Variants in ZBTB16 observed in about 807,000 individuals in gnomAD.
The protein encoded by ZBTB16 is zinc finger and BTB domain containing 16, also known as zinc finger and BTB domain-containing protein 16.
Under a neutral mutation model 56.8 loss-of-function variants are expected in ZBTB16, and 8 were observed. The observed-to-expected ratio is 0.14, with a 90% CI of 0.08 to 0.25. The LOEUF (loss-of-function observed/expected upper bound fraction) is 0.25, where lower values mean the gene tolerates loss of function less well. ZBTB16 is among the 10% of genes least tolerant of loss of function. The probability of loss-of-function intolerance (pLI) is 1.00; values close to 1 mark genes in which losing one functional copy is unlikely to be tolerated. For synonymous variants in ZBTB16, 363 were observed against 368.5 expected, an observed-to-expected ratio of 0.98 and a Z score of 0.17; for missense variants, 625 against 903.0, an observed-to-expected ratio of 0.69 and a Z score of 3.95.
intron 4 of ZBTB16, among the ~76,000 whole-genome samples, chr11:114,217,221 C>G (rs970812042): frequency 1.3e-5 from 2 of 152,110 alleles, no homozygotes; most frequent in African/African-American, 2.4e-5. Context: ...TGTTTAGGAG[C>G]CTAGATTTTA....
Position 114,250,603 on chromosome 11 carries a change from G to C in ZBTB16, c.*48G>C, listed in dbSNP as rs1413293975. 1 of 1,572,454 alleles carries C rather than the reference G, an allele frequency of 6.4e-7. No homozygotes were observed. The highest frequency in any genetic ancestry group is 8.7e-7 in the Non-Finnish European group (1 of 1,142,938). On this transcript the variant is annotated 3_prime_UTR_variant, in exon 7 of 7. Coordinates refer to ENST00000335953, the MANE Select transcript of ZBTB16 (RefSeq NM_006006.6). The surrounding 1 kb of genome is among the most constrained non-coding windows in gnomAD (Gnocchi z 6.0). ...CCGAGCGGGGAGCCAGGAAAGAAGA[G>C]TTGGAGTGAGATGAAGGAAGGACTA...
At chr11:114,084,049 G>GTT (rs1189329542) in intron 2 of ZBTB16, among the ~76,000 whole-genome samples, 1 of 152,166 alleles carries the variant, frequency 6.6e-6, no homozygotes, top group Non-Finnish European at 1.5e-5. Context: ...CACCTCCATT[G>GTT]TTTAAGATGT....
At chr11:114,113,179 T>C (rs1941074883) in intron 2 of ZBTB16, among the ~76,000 whole-genome samples, 1 of 152,228 alleles carries the variant, frequency 6.6e-6, no homozygotes, top group Admixed American at 6.5e-5. Context: ...ATAGCAGAGA[T>C]GCTGTCTTCT....
intron 2 of ZBTB16, among the ~76,000 whole-genome samples, chr11:114,149,240 A>G (rs145669311): frequency 6.6e-6 from 1 of 152,184 alleles, no homozygotes; most frequent in Non-Finnish European, 1.5e-5. Context: ...TATTTAATGG[A>G]TATCTGCAGA....
intron 2 of ZBTB16, among the ~76,000 whole-genome samples, chr11:114,081,697 T>C (rs2606726): frequency 0.37 from 56,031 of 151,926 alleles, 12,045 homozygotes; most frequent in East Asian, 0.76. Context: ...CTGGATGAAG[T>C]AGCACATGAG....
At chr11:114,233,073 G>GCT (rs1335081442) in intron 4 of ZBTB16, among the ~76,000 whole-genome samples, 4 of 74,624 alleles carry the variant, frequency 5.4e-5, no homozygotes, top group Admixed American at 3.0e-4. Context: ...GCATGCGCGC[G>GCT]CGCGCGCGCA....
chr11:114,239,660 G>A (rs1165168660), intron 4 of ZBTB16, among the ~76,000 whole-genome samples: 2 of 152,170 alleles, frequency 1.3e-5, no homozygotes, highest in Non-Finnish European at 2.9e-5. Context: ...GTGGCTCCCA[G>A]TGGGATTGGA....
chr11:114,078,983 G>A (rs1039739765), intron 2 of ZBTB16, among the ~76,000 whole-genome samples: 1 of 151,670 alleles, frequency 6.6e-6, no homozygotes, highest in Non-Finnish European at 1.5e-5. Flanking sequence ...GGGATTACAG[G>A]TGCCTGTAAT....
At position 114,227,593 on chromosome 11, in the gene ZBTB16, G is replaced by A. The variant is rs545320680; in HGVS notation, c.1454-14574G>A. On this transcript the variant is annotated intron_variant, in intron 4 of 6. Transcript: ENST00000335953. ...TGCAGCTTTCATTCTGACAGGTGGG[G>A]AAGACAGTAAACCTTGAACTTAAAG... 4.6e-4 allele frequency among the ~76,000 whole-genome samples: 70 copies of A among 152,326 alleles called. No individual in the cohort carries two copies. The South Asian group carries it at 0.014, about 31-fold the overall frequency.
rs189903134 is a variant in ZBTB16, at chr11:114,095,941, T to C, written c.1268+31373T>C. 2.6e-5 allele frequency among the ~76,000 whole-genome samples: 4 copies of C among 152,330 alleles called. No individual in the cohort carries two copies. In the East Asian group the frequency reaches 7.7e-4, roughly 29 times the overall value. ...GTGTATTCTCTCTGATAGGTTGCCTTTTCTCTCCCTGTAGGCTATAATTAG... is the reference window on the plus strand; with the variant it reads ...GTGTATTCTCTCTGATAGGTTGCCTCTTCTCTCCCTGTAGGCTATAATTAG... On this transcript the variant is annotated intron_variant, in intron 2 of 6. Transcript: ENST00000335953.
intron 2 of ZBTB16, among the ~76,000 whole-genome samples, chr11:114,126,714 A>G (rs1187206190): frequency 6.6e-6 from 1 of 152,046 alleles, no homozygotes. Context: ...GACTTTCACA[A>G]ACTGGAGGGA....
chr11:114,204,668 G>T (rs1262648757), intron 4 of ZBTB16, among the ~76,000 whole-genome samples: 1 of 152,122 alleles, frequency 6.6e-6, no homozygotes, highest in Non-Finnish European at 1.5e-5. Context: ...CCAGGCAGGA[G>T]AAGTGGCTAA....
At chr11:114,120,268 C>G (rs1289727354) in intron 2 of ZBTB16, among the ~76,000 whole-genome samples, 2 of 152,196 alleles carry the variant, frequency 1.3e-5, no homozygotes, top group Non-Finnish European at 2.9e-5. Context: ...CAGAACCACT[C>G]CAGGCAGAGC....
intron 4 of ZBTB16, among the ~76,000 whole-genome samples, chr11:114,204,154 CTT>C (rs745498133): frequency 1.4e-5 from 2 of 143,852 alleles, no homozygotes; most frequent in Admixed American, 6.9e-5. Flanking sequence ...GTCCCACTAT[CTT>C]TTTTTTTTTT....
intron 2 of ZBTB16, among the ~76,000 whole-genome samples, chr11:114,148,729 G>C (rs928783478): frequency 6.6e-6 from 1 of 151,560 alleles, no homozygotes; most frequent in African/African-American, 2.4e-5. Context: ...TCCTGACCTC[G>C]TTATCTGCCG....
In ZBTB16 at chr11:114,095,122, A is replaced by C. The variant is rs74453142; in HGVS notation, c.1268+30554A>C. ...AAGAAAAATAGCACAAAGATGTAGG[A>C]GTGGTGAGGAATGAAGATGCACGTG... On this transcript the variant is annotated intron_variant, in intron 2 of 6. Transcript: ENST00000335953. Among the ~76,000 whole-genome samples the C allele has an allele frequency of 6.8e-3, 1,033 of 152,136 alleles. 11 individuals carry two copies. The highest frequency in any genetic ancestry group is 0.023 in the African/African-American group (953 of 41,492).
chr11:114,146,541 C>T (rs1175863657), intron 2 of ZBTB16, among the ~76,000 whole-genome samples: 1 of 152,120 alleles, frequency 6.6e-6, no homozygotes, highest in Non-Finnish European at 1.5e-5. Flanking sequence ...GCATTACCTT[C>T]TTTATCATTA....
At chr11:114,233,814 T>C (rs1198211018) in intron 4 of ZBTB16, among the ~76,000 whole-genome samples, 2 of 152,238 alleles carry the variant, frequency 1.3e-5, no homozygotes, top group Admixed American at 1.3e-4. Flanking sequence ...ATTTGTTTAC[T>C]GTAGCTGGAG....
chr11:114,184,623 G>T (rs558449605), intron 3 of ZBTB16, among the ~76,000 whole-genome samples: 1 of 152,252 alleles, frequency 6.6e-6, no homozygotes, highest in East Asian at 1.9e-4. Context: ...GTGTGGCATT[G>T]GGCAAAGTGC....
Sources: gnomAD v4.1 joint callset for allele counts (sites outside exome capture counted in the v4.1 genomes callset) on GRCh38, gnomAD v4.1.1 for gene constraint, Gnocchi (gnomAD v3.1) non-coding constraint, MANE v1.5 for transcripts, NCBI Gene and HGNC (gene_info 2026-07-23, HGNC 2026-07-21) for gene names.